The following DHX57 variants were observed in gnomAD, a reference collection of about 807,000 sequenced individuals.
DHX57 encodes the protein putative ATP-dependent RNA helicase DHX57.
A neutral mutation model predicts 156.2 loss-of-function variants in DHX57; 105 were observed. That is an observed-to-expected ratio of 0.67 (90% confidence interval 0.57 to 0.79). The LOEUF is 0.79. Ranked by LOEUF, DHX57 falls within the 30% of genes least tolerant of loss-of-function variation. DHX57 has a pLI of 0.00. For missense variants in DHX57, 1,847 were observed against 1,661.9 expected, an observed-to-expected ratio of 1.11 and a Z score of -1.94; for synonymous variants, 704 against 595.6, an observed-to-expected ratio of 1.18 and a Z score of -2.65.
chr2:38,816,495 C>T (rs1362953516), intron 19 of DHX57, among the ~76,000 whole-genome samples: 2 of 152,114 alleles, frequency 1.3e-5, no homozygotes, highest in East Asian at 3.9e-4. Flanking sequence ...AGATTACAGG[C>T]ATGAGCCACC....
chr2:38,812,005 C>G (rs1044866646), intron 21 of DHX57, among the ~76,000 whole-genome samples: 1 of 152,086 alleles, frequency 6.6e-6, no homozygotes, highest in East Asian at 1.9e-4. Context: ...GCAATCCGCC[C>G]ACCTCAGCCT....
chr2:38,830,028 A>G (rs1292893074), intron 13 of DHX57, among the ~76,000 whole-genome samples: 1 of 152,206 alleles, frequency 6.6e-6, no homozygotes, highest in African/African-American at 2.4e-5. Context: ...TGCTTTATTC[A>G]GGGAGAAAAA....
At chr2:38,810,082 A>G (rs994997154) in intron 21 of DHX57, among the ~76,000 whole-genome samples, 3 of 151,334 alleles carry the variant, frequency 2.0e-5, no homozygotes, top group Non-Finnish European at 4.4e-5. Context: ...TTTAGTAGAG[A>G]TGGGGTTTCA....
rs55809581 is a variant in DHX57, at chr2:38,810,892, C to T, written c.3681+2929G>A. On this transcript the variant is annotated intron_variant, in intron 21 of 23. Transcript: ENST00000457308. ...CTCCACGATGTCAATATGGCCCACG[C>T]TGTGCTTGCCTGCGACTTCATTCAG... The T allele has an allele frequency of 4.2e-3, 3,251 of 770,698 alleles. 86 individuals carry two copies. In the African/African-American group the frequency reaches 0.05, roughly 12 times the overall value. The allele number at this position is 770,698 out of a possible 1,614,324, so 47.7% of individuals were successfully genotyped here.
chr2:38,861,986 C>T (rs1673251354), intron 4 of DHX57, 149 bp from the exon 5 acceptor site: 1 of 1,216,404 alleles, frequency 8.2e-7, no homozygotes, highest in Non-Finnish European at 1.1e-6. Flanking sequence ...AACAATAAGC[C>T]CCCCTGAATG....
chr2:38,875,418 A>G (rs1313070284), intron 1 of DHX57, among the ~76,000 whole-genome samples: 1 of 152,094 alleles, frequency 6.6e-6, no homozygotes, highest in Non-Finnish European at 1.5e-5. Context: ...TCGAACTCAC[A>G]TCGTCCCCAC....
chr2:38,873,591 T>G (rs1263564459), intron 1 of DHX57, among the ~76,000 whole-genome samples: 1 of 152,234 alleles, frequency 6.6e-6, no homozygotes, highest in Non-Finnish European at 1.5e-5. Flanking sequence ...AGGAATTCAG[T>G]ATCTATTTGT....
chr2:38,835,918 T>C (rs1483205056), intron 13 of DHX57, among the ~76,000 whole-genome samples: 1 of 152,158 alleles, frequency 6.6e-6, no homozygotes. Flanking sequence ...TTTCAAGATA[T>C]GGATCTTGGA....
intron 2 of DHX57, among the ~76,000 whole-genome samples, chr2:38,865,516 T>C (rs917240334): frequency 5.9e-5 from 9 of 152,222 alleles, no homozygotes; most frequent in African/African-American, 2.2e-4. Context: ...TTACTCAGTC[T>C]TGGGTATGTC....
intron 1 of DHX57, among the ~76,000 whole-genome samples, chr2:38,870,238 T>C (rs937428767): frequency 6.6e-6 from 1 of 151,974 alleles, no homozygotes; most frequent in African/African-American, 2.4e-5. Flanking sequence ...AAGGGTACCA[T>C]ATACATATAA....
intron 13 of DHX57, among the ~76,000 whole-genome samples, chr2:38,836,257 G>A (rs867342768): frequency 2.6e-5 from 4 of 152,170 alleles, no homozygotes; most frequent in Middle Eastern, 3.4e-3. Context: ...CAATGAGCGT[G>A]CCTGCCTCTT....
intron 12 of DHX57, among the ~76,000 whole-genome samples, chr2:38,838,442 TTTTTGCTTGAACA>T (rs1309882805): frequency 6.6e-6 from 1 of 152,060 alleles, no homozygotes; most frequent in African/African-American, 2.4e-5. Context: ...TCAGAAGTAA[TTTTTGCTTGAACA>T]ATGACCCAAA....
chr2:38,825,907 T>C lies in DHX57; in HGVS notation c.2954A>G (p.Gln985Arg). The change falls in exon 16 of 24, where the codon CAG becomes CGG. Residue 985 changes from glutamine to arginine, a missense_variant. Coordinates refer to ENST00000457308, the MANE Select transcript of DHX57 (RefSeq NM_198963.3). ...TTCTGGTAGCTGTTGTTTTAAAAGC[T>C]GGTGATTGTAGTGATGGCTAGTGAA... Reference protein sequence around the residue: ...HLFTSHHYNHQLLKQQLPEIQ... With the variant: ...HLFTSHHYNHRLLKQQLPEIQ... The C allele has an allele frequency of 6.2e-7, 1 of 1,614,176 alleles. No individual in the cohort carries two copies. Among genetic ancestry groups the C allele is most frequent in the Non-Finnish European group, 8.5e-7 (1 of 1,180,012 alleles).
At chr2:38,837,605 C>T (rs1275314958) in intron 13 of DHX57, among the ~76,000 whole-genome samples, 1 of 3,180 alleles carries the variant, frequency 3.1e-4, no homozygotes, top group African/African-American at 3.5e-4. Flanking sequence ...GAGCAAAACC[C>T]CGTCTCAAAA....
At chr2:38,810,319 A>C in intron 21 of DHX57, 1 of 347,300 alleles carries the variant, frequency 2.9e-6, no homozygotes, top group Non-Finnish European at 5.6e-6. Flanking sequence ...CGGCAGCCCC[A>C]CTACACTCTT....
chr2:38,838,998 C>G (rs768265889), intron 12 of DHX57, among the ~76,000 whole-genome samples: 8 of 151,294 alleles, frequency 5.3e-5, no homozygotes, highest in Non-Finnish European at 1.2e-4. Context: ...GTGGTGTGAT[C>G]TCGGCTCACT....
In DHX57 at chr2:38,856,442, G is replaced by T. The variant is rs1199936031; in HGVS notation, c.1607C>A (p.Ser536Tyr). The T allele has an allele frequency of 2.5e-6, 4 of 1,612,236 alleles. No individual in the cohort carries two copies. The Admixed American group carries it at 5.0e-5, about 20-fold the overall frequency. The change falls in exon 7 of 24, where the codon TCC becomes TAC. Residue 536 changes from serine (S) to tyrosine (Y), a missense_variant. By Grantham distance (144) the Ser-to-Tyr change is moderately radical (BLOSUM62 -2). Coordinates refer to ENST00000457308, the MANE Select transcript of DHX57 (RefSeq NM_198963.3). ...GAGTGATTGCCTCTCTTGCAGAATG[G>T]ACTGGAACTGTCTGGAAGCCTAATA... ...RMKQASRQFQ[S>Y]ILQERQSLPA...
At chr2:38,860,113 C>A (rs1376146224) in intron 5 of DHX57, among the ~76,000 whole-genome samples, 1 of 151,944 alleles carries the variant, frequency 6.6e-6, no homozygotes, top group African/African-American at 2.4e-5. Context: ...GCCACCACAC[C>A]CAGCAGAGAA....
At chr2:38,853,289 T>G (rs578202342) in intron 9 of DHX57, 1 of 151,472 alleles carries the variant, frequency 6.6e-6, no homozygotes, top group East Asian at 1.9e-4. Context: ...TTTTGTTTTG[T>G]TTTTTTTACT....
Sources: gnomAD v4.1 joint callset for allele counts (sites outside exome capture counted in the v4.1 genomes callset) on GRCh38, gnomAD v4.1.1 for gene constraint, MANE v1.5 for transcripts, NCBI Gene and HGNC (gene_info 2026-07-23, HGNC 2026-07-21) for gene names.